Variants in STK11IP observed in about 807,000 individuals in gnomAD.
The protein encoded by STK11IP is serine/threonine kinase 11 interacting protein, also known as serine/threonine-protein kinase 11-interacting protein.
A neutral mutation model predicts 131.7 loss-of-function variants in STK11IP; 103 were observed. The observed-to-expected ratio is 0.78, with a 90% confidence interval of 0.67 to 0.92. STK11IP has a LOEUF of 0.92. STK11IP is among the 40% of genes least tolerant of loss of function. STK11IP has a pLI of 0.00. For missense variants in STK11IP, 1,315 were observed against 1,385.7 expected (o/e 0.95, Z 0.81); for synonymous variants, 557 against 575.6 (o/e 0.97, Z 0.46).
In STK11IP at chr2:219,606,536, C is replaced by A; in HGVS notation, c.987+19C>A. The A allele has an allele frequency of 6.2e-7, 1 of 1,612,114 alleles. No homozygotes were observed. ...TTTTCAGGTCGGTGTGGTTGGGGGG[C>A]GAGGACTGTTGGGGGAAGACACGAA... On this transcript the variant is annotated intron_variant, in intron 11 of 24. Coordinates refer to ENST00000456909, the MANE Select transcript of STK11IP (RefSeq NM_052902.4).
chr2:219,614,005 G>A, intron 21 of STK11IP, 75 bp downstream of exon 21: 1 of 1,504,028 alleles, frequency 6.6e-7, no homozygotes, highest in Non-Finnish European at 9.0e-7. Context: ...TCCCCACCTG[G>A]TACCCAGTAG....
rs770575206 is a variant in STK11IP at position 219,612,063 on chromosome 2, G to A, written c.2439+5G>A. 4 of 1,593,442 alleles carry A rather than the reference G, an allele frequency of 2.5e-6. No individual in the cohort carries two copies. In the South Asian group the frequency reaches 4.6e-5, roughly 18 times the overall value. On this transcript the variant is annotated splice_donor_5th_base_variant and intron_variant, in intron 19 of 24. Coordinates refer to ENST00000456909, the MANE Select transcript of STK11IP (RefSeq NM_052902.4). ...GAGTTCCAGTGCTGCCTCAAGGTCTGTGCTCCCTGACACTGCCCATGCCCC... is the reference window on the plus strand; with the variant it reads ...GAGTTCCAGTGCTGCCTCAAGGTCTATGCTCCCTGACACTGCCCATGCCCC...
Position 219,615,315 on chromosome 2 carries a change from G to A in STK11IP, c.3091G>A (p.Asp1031Asn). 1 of 1,602,378 alleles carries A rather than the reference G, an allele frequency of 6.2e-7. No individual in the cohort carries two copies. The highest frequency in any genetic ancestry group is 1.1e-5 in the South Asian group (1 of 90,818). The change falls in exon 24 of 25, where the codon GAC becomes AAC. Residue 1031 changes from aspartate to asparagine, a missense_variant. By Grantham distance (23) the Asp-to-Asn change is conservative (BLOSUM62 1). Coordinates refer to ENST00000456909, the MANE Select transcript of STK11IP (RefSeq NM_052902.4). ...SVLLYRSAPEDLRLLFYDEVS... is the reference protein window; with the variant it reads ...SVLLYRSAPENLRLLFYDEVS... ...GCTGCTCTACCGCTCAGCCCCTGAG[G>A]ACTTGCGGCTGCTCTTCTACGATGA...
rs1386158085 is a variant in STK11IP at position 219,606,635 on chromosome 2, G to A, written c.988-77G>A. 3.5e-5 allele frequency: 56 copies of A among 1,596,228 alleles called. 1 individual carries two copies. The South Asian group carries it at 3.8e-4, about 11-fold the overall frequency. ...CCTGGTCAGTGGAAAGTAGGGTCCC[G>A]CCTTTTGGCTGGCTTGGGCAAGGCA... On this transcript the variant is annotated intron_variant, in intron 11 of 24. Transcript: ENST00000456909.
At chr2:219,598,856 G>C (rs1409123465) in intron 2 of STK11IP, among the ~76,000 whole-genome samples, 2 of 152,222 alleles carry the variant, frequency 1.3e-5, no homozygotes, top group African/African-American at 4.8e-5. Context: ...GATAGGAGAA[G>C]TAACTTCCTA....
intron 17 of STK11IP, chr2:219,609,967 T>G (rs928961966): frequency 4.7e-6 from 1 of 211,536 alleles, no homozygotes; most frequent in African/African-American, 2.3e-5. Flanking sequence ...CTTGGGGAGT[T>G]GGCTTGGTTT....
rs774092239 is a variant in STK11IP, at chr2:219,608,270, G to T, written c.1443G>T (p.Glu481Asp). The change falls in exon 14 of 25, where the codon GAG becomes GAT. Residue 481 changes from glutamate to aspartate, a missense_variant. Glu to Asp is a conservative substitution (Grantham distance 45). Transcript: ENST00000456909. ...PPQEEARGPQ[E>D]SPQKMSEEVR... The stretch of plus-strand genomic sequence containing the variant: ...AGGAGGAAGCCAGAGGCCCCCAGGA[G>T]TCACCACAGAAAATGTCAGAGGAGG... The T allele has an allele frequency of 1.2e-6, 2 of 1,613,354 alleles. No homozygotes were observed. The highest frequency in any genetic ancestry group is 8.5e-7 in the Non-Finnish European group (1 of 1,179,784).
In STK11IP at chr2:219,614,553, C is replaced by T. The variant is rs770243018; in HGVS notation, c.2869+7C>T. 1.8e-5 allele frequency: 29 copies of T among 1,613,598 alleles called. No individual in the cohort carries two copies. The highest frequency in any genetic ancestry group is 3.3e-5 in the Admixed American group (2 of 60,006). On this transcript the variant is annotated splice_region_variant and intron_variant, in intron 23 of 24. Coordinates refer to ENST00000456909, the MANE Select transcript of STK11IP (RefSeq NM_052902.4). ...CGGGCGTTCCTGGTTGAAGGTGAAG[C>T]CTCTGTGCAGCTGATGCTTCCCTGG...
intron 7 of STK11IP, among the ~76,000 whole-genome samples, chr2:219,604,538 G>C (rs1698089518): frequency 6.6e-6 from 1 of 152,192 alleles, no homozygotes; most frequent in Non-Finnish European, 1.5e-5. Context: ...GATGGTGAGA[G>C]TGACCAGGCA....
In STK11IP at chr2:219,615,229, C is replaced by T. The variant is rs200145952; in HGVS notation, c.3005C>T (p.Ser1002Leu). ...SGEASEKVPPSGPGPAVRVRE... is the reference protein window; with the variant it reads ...SGEASEKVPPLGPGPAVRVRE... ...GAAGCCTCTGAGAAGGTGCCTCCCT[C>T]GGGGCCGGGCCCTGCTGTGCGTGTC... The change falls in exon 24 of 25, where the codon TCG becomes TTG. Residue 1002 changes from serine to leucine, a missense_variant. Physicochemically the swap from Ser to Leu is moderately radical, Grantham distance 145 (BLOSUM62 -2). Transcript: ENST00000456909. 6.5e-5 allele frequency: 104 copies of T among 1,594,338 alleles called. No individual in the cohort carries two copies. The highest frequency in any genetic ancestry group is 5.6e-5 in the South Asian group (5 of 89,054).
chr2:219,608,503 G>A (rs1426604992), intron 14 of STK11IP, 73 bp downstream of exon 14: 8 of 1,534,604 alleles, frequency 5.2e-6, no homozygotes, highest in East Asian at 4.6e-5. Flanking sequence ...GGGGCCTGGC[G>A]GGTGGAGGGC....
chr2:219,613,286 G>C, intron 20 of STK11IP, 61 bp downstream of exon 20: 1 of 134,606 alleles, frequency 7.4e-6, no homozygotes, highest in South Asian at 4.9e-5. Context: ...GGGGGAGATG[G>C]GGGAGTGAGG....
intron 17 of STK11IP, among the ~76,000 whole-genome samples, chr2:219,610,697 C>T (rs1484470087): frequency 1.3e-5 from 2 of 152,180 alleles, no homozygotes; most frequent in East Asian, 3.8e-4. Context: ...CCACGCCCGG[C>T]CAACCATTCT....
rs1387773545 is a variant in STK11IP at position 219,608,631 on chromosome 2, G to A, written c.1652G>A (p.Gly551Asp). The A allele has an allele frequency of 6.2e-7, 1 of 1,612,786 alleles. No individual in the cohort carries two copies. Among genetic ancestry groups the A allele is most frequent in the African/African-American group, 1.3e-5 (1 of 75,046 alleles). The change falls in exon 15 of 25, where the codon GGC becomes GAC. Residue 551 changes from glycine (G) to aspartate (D), a missense_variant. Gly to Asp is a moderately conservative substitution (Grantham distance 94). Transcript: ENST00000456909. The part of the protein sequence containing the change: ...LLVCPLEGPE[G>D]VRGRECFLRV... Reference sequence around the variant, plus strand: ...GTGTGTCCCCTGGAGGGGCCTGAGGGCGTACGGGGCAGGGAATGCTTTCTC... The same window carrying A: ...GTGTGTCCCCTGGAGGGGCCTGAGGACGTACGGGGCAGGGAATGCTTTCTC...
Position 219,616,282 on chromosome 2 carries a change from G to C in STK11IP, c.*89G>C. ...CTCTGGGTCTGGCTTCCAGGCTCTGGCTGTGGATGTCTTCAGCCTCTGGGT... is the reference window on the plus strand; with the variant it reads ...CTCTGGGTCTGGCTTCCAGGCTCTGCCTGTGGATGTCTTCAGCCTCTGGGT... On this transcript the variant is annotated 3_prime_UTR_variant, in exon 25 of 25. Transcript: ENST00000456909. 8 of 1,481,254 alleles carry C rather than the reference G, an allele frequency of 5.4e-6. No individual in the cohort carries two copies. The highest frequency in any genetic ancestry group is 7.2e-6 in the Non-Finnish European group (8 of 1,107,086). The allele number at this position is 1,481,254 out of a possible 1,614,324, so 91.8% of individuals were successfully genotyped here. A position where few individuals can be genotyped will look rare whatever the true frequency, so the allele number is the denominator to read the frequency against.
intron 17 of STK11IP, 60 bp from the exon 18 acceptor site, chr2:219,611,544 T>C: frequency 1.5e-6 from 2 of 1,365,052 alleles, no homozygotes; most frequent in South Asian, 2.4e-5. Flanking sequence ...ATCGTGAGCA[T>C]GGTGGGAGTT....
chr2:219,602,291 C>T (rs946458103), intron 5 of STK11IP, among the ~76,000 whole-genome samples, 177 bp from the exon 6 acceptor site: 2 of 152,212 alleles, frequency 1.3e-5, no homozygotes, highest in Non-Finnish European at 2.9e-5. Flanking sequence ...ATTCTAGTGT[C>T]TACCTTCCCA....
chr2:219,600,027 C>T (rs1184618782), intron 2 of STK11IP, among the ~76,000 whole-genome samples: 37 of 146,606 alleles, frequency 2.5e-4, no homozygotes, highest in Non-Finnish European at 4.0e-4. Context: ...TGAGCCACCA[C>T]GCCTGCCCTT....
intron 2 of STK11IP, among the ~76,000 whole-genome samples, chr2:219,600,788 CTT>C (rs1344939718): frequency 6.6e-6 from 1 of 152,208 alleles, no homozygotes; most frequent in African/African-American, 2.4e-5. Context: ...TTCCAATTAA[CTT>C]TTGTGTAATA....
Sources: gnomAD v4.1 joint callset for allele counts (sites outside exome capture counted in the v4.1 genomes callset) on GRCh38, gnomAD v4.1.1 for gene constraint, MANE v1.5 for transcripts, NCBI Gene and HGNC (gene_info 2026-07-23, HGNC 2026-07-21) for gene names.